Variants in POLR1C observed in about 807,000 individuals in gnomAD.
The protein encoded by POLR1C is DNA-directed RNA polymerases I and III subunit RPAC1.
A neutral mutation model predicts 38.3 loss-of-function variants in POLR1C; 42 were observed. That is an observed-to-expected ratio of 1.10 (90% confidence interval 0.86 to 1.42). POLR1C has a LOEUF of 1.42. Ranked by LOEUF, POLR1C falls within the 40% of genes most tolerant of loss-of-function variation. The pLI is 0.00. For missense variants in POLR1C, 507 were observed against 450.5 expected (o/e 1.13, Z -1.14); for synonymous variants, 163 against 163.9 (o/e 0.99, Z 0.04).
chr6:43,526,031 T>C, downstream of POLR1C: 2 of 1,274,906 alleles, frequency 1.6e-6, no homozygotes, highest in Non-Finnish European at 1.1e-6. Flanking sequence ...CTAGGCTAAG[T>C]GGTGGCTAAG....
rs773725760 is a variant in POLR1C at position 43,517,205 on chromosome 6, C to A, written c.69+27C>A. ...TAAGCCTTGTGGCCTTGAGCTCGGGCGGGAGGAATGAGAGCGGAACAGGGA... is the reference window on the plus strand; with the variant it reads ...TAAGCCTTGTGGCCTTGAGCTCGGGAGGGAGGAATGAGAGCGGAACAGGGA... On this transcript the variant is annotated intron_variant, in intron 1 of 8. Transcript: ENST00000642195. 6.3e-5 allele frequency: 102 copies of A among 1,612,618 alleles called. 1 individual carries two copies. The East Asian group carries it at 2.2e-3, about 35-fold the overall frequency.
chr6:43,540,273 A>G (rs1428214887), intron 9 of POLR1C, among the ~76,000 whole-genome samples: 2 of 152,072 alleles, frequency 1.3e-5, no homozygotes, highest in Non-Finnish European at 2.9e-5. Flanking sequence ...AGGTCAGGAG[A>G]TCAAGATCAT....
chr6:43,548,718 TTA>T (rs1369068000), intron 9 of POLR1C, among the ~76,000 whole-genome samples: 7 of 149,990 alleles, frequency 4.7e-5, no homozygotes, highest in Admixed American at 1.3e-4. Context: ...TCAGCTTGTT[TTA>T]TATATATATA....
At chr6:43,517,199 C>T (rs369406964) in intron 1 of POLR1C, 21 bp downstream of exon 1, 120 of 1,613,528 alleles carry the variant, frequency 7.4e-5, no homozygotes, top group Non-Finnish European at 9.4e-5. Context: ...TGGCCTTGAG[C>T]TCGGGCGGGA....
Position 43,517,307 on chromosome 6 carries a change from T to G in POLR1C, c.71T>G (p.Val24Gly). 1 of 1,614,014 alleles carries G rather than the reference T, an allele frequency of 6.2e-7. No individual in the cohort carries two copies. The highest frequency in any genetic ancestry group is 8.5e-7 in the Non-Finnish European group (1 of 1,179,904). The change falls in exon 2 of 9, where the codon GTC becomes GGC. Residue 24 changes from valine to glycine, a missense_variant and splice_region_variant. Val to Gly is a moderately radical substitution (Grantham distance 109). Coordinates refer to ENST00000642195, the MANE Select transcript of POLR1C (RefSeq NM_203290.4). ...VVLGEFGVRN[V>G]HTTDFPGNYS... ...GACAAATTCGTCCCTTTGCTCTAGG[T>G]CCATACTACTGACTTTCCCGGTAAC...
intron 2 of POLR1C, 132 bp downstream of exon 2, chr6:43,517,509 G>C (rs967327753): frequency 2.2e-5 from 17 of 780,926 alleles, no homozygotes; most frequent in Admixed American, 1.8e-4. Context: ...TGTGCTAGAC[G>C]CTCCGTTTAC....
At chr6:43,532,665 A>G (rs905377457), downstream of POLR1C, among the ~76,000 whole-genome samples, 1 of 152,004 alleles carries the variant, frequency 6.6e-6, no homozygotes, top group African/African-American at 2.4e-5. Context: ...GCTAGTTCGT[A>G]CTCATCCTTC....
chr6:43,530,717 A>G (rs777840486), downstream of POLR1C: 1 of 1,614,014 alleles, frequency 6.2e-7, no homozygotes, highest in Admixed American at 1.7e-5. Context: ...GTAGTCAGGA[A>G]TATTGTTCAA....
intron 9 of POLR1C, among the ~76,000 whole-genome samples, chr6:43,541,515 C>T (rs891034986): frequency 1.3e-5 from 2 of 152,202 alleles, no homozygotes; most frequent in African/African-American, 4.8e-5. Context: ...GTAACCTCTA[C>T]CTGGTTCCAA....
chr6:43,550,598 G>A (rs530047273), intron 9 of POLR1C, among the ~76,000 whole-genome samples: 1 of 152,102 alleles, frequency 6.6e-6, no homozygotes, highest in African/African-American at 2.4e-5. Context: ...ACTTTTAGTC[G>A]TGGGACTACT....
intron 10 of POLR1C, chr6:43,555,735 GTA>G: frequency 6.9e-7 from 1 of 1,440,672 alleles, no homozygotes; most frequent in South Asian, 1.4e-5. Context: ...AATAGTATAA[GTA>G]TATCGTTCTG....
At chr6:43,517,640 C>T (rs1175438457) in intron 2 of POLR1C, among the ~76,000 whole-genome samples, 3 of 151,834 alleles carry the variant, frequency 2.0e-5, no homozygotes, top group African/African-American at 4.8e-5. Flanking sequence ...GCGATGAAGA[C>T]GGCAGGGTTG....
At chr6:43,561,509 G>A (rs1433552615) in exon 11 of POLR1C, 1 of 153,990 alleles carries the variant, frequency 6.5e-6, no homozygotes, top group African/African-American at 2.4e-5. Context: ...CTCTCGAGTA[G>A]CTGGGATAAC....
chr6:43,531,685 T>A, downstream of POLR1C: 1 of 932,834 alleles, frequency 1.1e-6, no homozygotes, highest in Non-Finnish European at 1.7e-6. Flanking sequence ...TGTGCATGTC[T>A]GGTGCTGTAC....
intron 10 of POLR1C, chr6:43,553,655 G>A: frequency 2.2e-6 from 3 of 1,392,988 alleles, no homozygotes; most frequent in Non-Finnish European, 2.8e-6. Context: ...ACCCCTCTCA[G>A]CTGGGGCAAA....
intron 9 of POLR1C, among the ~76,000 whole-genome samples, chr6:43,543,810 G>A (rs1032901936): frequency 4.6e-5 from 7 of 151,940 alleles, no homozygotes; most frequent in Admixed American, 4.6e-4. Context: ...CCGAGTAGCT[G>A]GGATTACAGG....
intron 2 of POLR1C, among the ~76,000 whole-genome samples, chr6:43,517,688 GGA>G (rs1792907581): frequency 6.6e-6 from 1 of 152,112 alleles, no homozygotes; most frequent in African/African-American, 2.4e-5. Context: ...GAAGAGGGGC[GGA>G]GAGGTACTTA....
At chr6:43,524,924 GAA>G, downstream of POLR1C, 1 of 1,613,932 alleles carries the variant, frequency 6.2e-7, no homozygotes, top group Non-Finnish European at 8.5e-7. Flanking sequence ...GCACACTGGT[GAA>G]AAGCCACGTA....
intron 2 of POLR1C, 132 bp from the exon 3 acceptor site, chr6:43,519,201 T>A: frequency 1.4e-6 from 1 of 707,074 alleles, no homozygotes; most frequent in Admixed American, 2.0e-5. Context: ...GAATATTTAA[T>A]AAGAGACATT....
Sources: allele counts gnomAD v4.1 joint callset (sites outside exome capture counted in the v4.1 genomes callset), GRCh38; gene constraint gnomAD v4.1.1; transcripts MANE v1.5; gene names NCBI Gene and HGNC (gene_info 2026-07-23, HGNC 2026-07-21).